DGKG: variants seen among roughly 807,000 people sequenced by gnomAD.
The protein encoded by DGKG is diacylglycerol kinase gamma.
In DGKG, 78 loss-of-function variants were observed where a neutral mutation model predicts 105.3. The observed-to-expected ratio is 0.74, with a 90% CI of 0.62 to 0.89. The LOEUF (loss-of-function observed/expected upper bound fraction) is 0.89, where lower values mean the gene tolerates loss of function less well. Among genes scored for constraint, DGKG ranks in the 40% least tolerant of loss-of-function variants. The pLI is 0.00. For missense variants in DGKG, 958 were observed against 1,020.1 expected (o/e 0.94, Z 0.83); for synonymous variants, 346 against 367.1 (o/e 0.94, Z 0.66).
chr3:186,360,641 C>T (rs1018831562), intron 1 of DGKG, among the ~76,000 whole-genome samples: 4 of 152,138 alleles, frequency 2.6e-5, no homozygotes, highest in African/African-American at 7.2e-5. Flanking sequence ...GACATTTGCC[C>T]TCTATGATCT....
At chr3:186,193,214 G>A (rs1717990251) in intron 21 of DGKG, among the ~76,000 whole-genome samples, 1 of 152,216 alleles carries the variant, frequency 6.6e-6, no homozygotes, top group Admixed American at 6.5e-5. Flanking sequence ...GTCTTGGAAA[G>A]AACGTGCCTG....
chr3:186,277,054 T>G (rs1042167538), intron 9 of DGKG, among the ~76,000 whole-genome samples: 6 of 152,194 alleles, frequency 3.9e-5, no homozygotes, highest in African/African-American at 1.4e-4. Context: ...TTCCAGGACA[T>G]GAGTTTTATA....
chr3:186,213,203 C>T (rs1051858800), intron 20 of DGKG, among the ~76,000 whole-genome samples: 2 of 152,168 alleles, frequency 1.3e-5, no homozygotes, highest in East Asian at 3.9e-4. Context: ...GGGAATTATG[C>T]CTCATGAACA....
chr3:186,247,305 A>AG (rs142070936), intron 19 of DGKG, among the ~76,000 whole-genome samples: 6,087 of 152,260 alleles, frequency 0.04, 138 homozygotes, highest in African/African-American at 0.048. Context: ...GTTGGCATCA[A>AG]GGGGTCTCAG....
chr3:186,264,176 G>A (rs1354892231), intron 14 of DGKG, among the ~76,000 whole-genome samples: 1 of 152,194 alleles, frequency 6.6e-6, no homozygotes, highest in Non-Finnish European at 1.5e-5. Flanking sequence ...GCCTGTGTGT[G>A]TTTCCCACCT....
chr3:186,352,470 G>A (rs1039173485), intron 1 of DGKG, among the ~76,000 whole-genome samples: 2 of 152,052 alleles, frequency 1.3e-5, no homozygotes, highest in African/African-American at 2.4e-5. Flanking sequence ...TCGTTATCTG[G>A]GCCTCCAGCC....
intron 6 of DGKG, among the ~76,000 whole-genome samples, chr3:186,288,208 C>CGG (rs200342639): frequency 6.6e-6 from 1 of 151,894 alleles, no homozygotes; most frequent in Non-Finnish European, 1.5e-5. Flanking sequence ...CTTGGGGTGG[C>CGG]GGGGGGGCAT....
intron 1 of DGKG, among the ~76,000 whole-genome samples, chr3:186,348,451 CTTT>C (rs1159516433): frequency 5.9e-5 from 3 of 50,702 alleles, no homozygotes; most frequent in Non-Finnish European, 8.1e-5. Flanking sequence ...GGCTCATAAT[CTTT>C]TTTTTTTTTT....
intron 6 of DGKG, among the ~76,000 whole-genome samples, chr3:186,287,922 C>T (rs1723143410): frequency 6.6e-6 from 1 of 152,152 alleles, no homozygotes; most frequent in Non-Finnish European, 1.5e-5. Flanking sequence ...TACTTAAGTT[C>T]CCAAGAGAAG....
At chr3:186,304,592 C>T (rs1441205851) in intron 3 of DGKG, among the ~76,000 whole-genome samples, 1 of 152,140 alleles carries the variant, frequency 6.6e-6, no homozygotes, top group Non-Finnish European at 1.5e-5. Flanking sequence ...CATAAAAGGA[C>T]TCAGGAGCAG....
At chr3:186,261,110 T>C (rs1353495437) in intron 15 of DGKG, among the ~76,000 whole-genome samples, 1 of 152,190 alleles carries the variant, frequency 6.6e-6, no homozygotes, top group South Asian at 2.1e-4. Flanking sequence ...GTGGGGGTCC[T>C]CATAGTTCTT....
At chr3:186,324,085 C>T (rs1260846802) in intron 1 of DGKG, among the ~76,000 whole-genome samples, 83 of 137,956 alleles carry the variant, frequency 6.0e-4, no homozygotes, top group African/African-American at 2.2e-3. Context: ...TCCAGCCTGG[C>T]GACAGAGTGA....
chr3:186,257,969 C>G (rs780363318), intron 16 of DGKG, 30 bp from the exon 17 acceptor site: 2 of 1,551,734 alleles, frequency 1.3e-6, no homozygotes, highest in Non-Finnish European at 1.8e-6. Context: ...CCAAAATGGG[C>G]TTGTTACTAG....
intron 23 of DGKG, 109 bp downstream of exon 23, chr3:186,164,789 G>A: frequency 7.8e-7 from 1 of 1,289,180 alleles, no homozygotes; most frequent in Non-Finnish European, 1.1e-6. Context: ...TCAAGCTTTT[G>A]TGCTGCACTC....
At chr3:186,170,341 C>T (rs1716759965) in intron 22 of DGKG, among the ~76,000 whole-genome samples, 1 of 152,146 alleles carries the variant, frequency 6.6e-6, no homozygotes, top group Non-Finnish European at 1.5e-5. Flanking sequence ...AAAGTCTGGT[C>T]CTGGACCGGC....
intron 20 of DGKG, among the ~76,000 whole-genome samples, chr3:186,233,008 C>T (rs1000803391): frequency 6.6e-6 from 1 of 152,102 alleles, no homozygotes; most frequent in African/African-American, 2.4e-5. Flanking sequence ...AATAGATCCT[C>T]GAAATAAGCC....
intron 24 of DGKG, chr3:186,158,406 C>T (rs1275026493): frequency 1.0e-6 from 1 of 983,198 alleles, no homozygotes; most frequent in Non-Finnish European, 1.2e-6. Context: ...GCTTTGATCT[C>T]CTCATAAATC....
intron 12 of DGKG, 101 bp downstream of exon 12, chr3:186,268,700 G>T: frequency 1.2e-6 from 1 of 806,028 alleles, no homozygotes; most frequent in Non-Finnish European, 2.1e-6. Flanking sequence ...CGCTCCCCTG[G>T]CTTTGCTCAT....
chr3:186,188,615 G>A (rs1717756966), intron 21 of DGKG, among the ~76,000 whole-genome samples: 1 of 152,120 alleles, frequency 6.6e-6, no homozygotes, highest in African/African-American at 2.4e-5. Context: ...GGGGAATACA[G>A]TACAGGCTCC....
Sources: gnomAD v4.1 joint callset for allele counts (sites outside exome capture counted in the v4.1 genomes callset) on GRCh38, gnomAD v4.1.1 for gene constraint, MANE v1.5 for transcripts, NCBI Gene and HGNC (gene_info 2026-07-23, HGNC 2026-07-21) for gene names.